Variants in NRXN1 observed in about 807,000 individuals in gnomAD.
NRXN1 encodes the protein neurexin 1, also known as neurexin-1.
Under a neutral mutation model 150.9 loss-of-function variants are expected in NRXN1, and 39 were observed. The ratio of observed to expected loss-of-function variants is 0.26; its 90% CI spans 0.20 to 0.34. The LOEUF (loss-of-function observed/expected upper bound fraction) is 0.34, where lower values mean the gene tolerates loss of function less well. NRXN1 is among the 10% of genes least tolerant of loss of function. NRXN1 has a pLI of 1.00. For missense variants in NRXN1, 1,815 were observed against 1,949.9 expected, an observed-to-expected ratio of 0.93 and a Z score of 1.30; for synonymous variants, 924 against 757.0, an observed-to-expected ratio of 1.22 and a Z score of -3.62.
intron 2 of NRXN1, among the ~76,000 whole-genome samples, chr2:50,964,302 A>G (rs1249868061): frequency 6.6e-6 from 1 of 151,518 alleles, no homozygotes; most frequent in Non-Finnish European, 1.5e-5. Flanking sequence ...CCGTTTTCAA[A>G]ATGAATTCCT....
chr2:50,042,868 C>A (rs1196669191), intron 21 of NRXN1, among the ~76,000 whole-genome samples: 1 of 152,048 alleles, frequency 6.6e-6, no homozygotes, highest in Non-Finnish European at 1.5e-5. Context: ...TTCAGGAAAT[C>A]ATAAAGTGAA....
At chr2:50,381,149 C>A (rs2080928263) in intron 17 of NRXN1, among the ~76,000 whole-genome samples, 1 of 151,600 alleles carries the variant, frequency 6.6e-6, no homozygotes. Context: ...ATGGATAAGC[C>A]CAAAGAGTTC....
chr2:50,807,077 G>C (rs1667604262), intron 5 of NRXN1, among the ~76,000 whole-genome samples: 1 of 152,106 alleles, frequency 6.6e-6, no homozygotes, highest in Non-Finnish European at 1.5e-5. Context: ...AGTGCCTCTA[G>C]AGTGTTATAG....
chr2:49,937,583 C>A (rs1671266625), intron 22 of NRXN1, among the ~76,000 whole-genome samples: 2 of 152,156 alleles, frequency 1.3e-5, no homozygotes, highest in African/African-American at 4.8e-5. Context: ...TGAAACCCAG[C>A]TAGCACATCA....
At chr2:50,889,657 C>T (rs1680766908) in intron 5 of NRXN1, among the ~76,000 whole-genome samples, 2 of 151,644 alleles carry the variant, frequency 1.3e-5, no homozygotes, top group South Asian at 4.2e-4. Context: ...GAGCTAAAAT[C>T]CTTCTTATTG....
At chr2:50,094,206 T>C (rs1485461542) in intron 18 of NRXN1, among the ~76,000 whole-genome samples, 1 of 152,224 alleles carries the variant, frequency 6.6e-6, no homozygotes, top group East Asian at 1.9e-4. Context: ...AAAAACACAT[T>C]ACTGTTTCCA....
chr2:50,282,249 A>G (rs2071559362), intron 17 of NRXN1, among the ~76,000 whole-genome samples: 1 of 152,164 alleles, frequency 6.6e-6, no homozygotes, highest in South Asian at 2.1e-4. Context: ...AGTGATGAGG[A>G]TCTACCAAAC....
chr2:50,991,415 G>A (rs888460337), intron 2 of NRXN1, among the ~76,000 whole-genome samples: 7 of 151,970 alleles, frequency 4.6e-5, no homozygotes, highest in African/African-American at 7.2e-5. Flanking sequence ...TGATGATGGA[G>A]AGCTGGTTTT....
intron 10 of NRXN1, among the ~76,000 whole-genome samples, chr2:50,533,429 G>A (rs965714388): frequency 2.6e-5 from 4 of 152,198 alleles, no homozygotes; most frequent in Non-Finnish European, 4.4e-5. Context: ...CTCCATCTCA[G>A]TAAACATGAT....
At chr2:50,286,995 T>C (rs1517829) in intron 17 of NRXN1, among the ~76,000 whole-genome samples, 79,572 of 151,842 alleles carry the variant, frequency 0.52, 21,129 homozygotes, top group Middle Eastern at 0.57. Context: ...TATTGATGAA[T>C]AGAACTTATA....
chr2:50,318,177 G>A (rs1479385855), intron 17 of NRXN1, among the ~76,000 whole-genome samples: 3 of 151,894 alleles, frequency 2.0e-5, no homozygotes, highest in Admixed American at 1.3e-4. Flanking sequence ...TTTCACAGAA[G>A]GGGAAACACA....
intron 8 of NRXN1, among the ~76,000 whole-genome samples, chr2:50,598,814 G>C (rs1675750063): frequency 6.6e-6 from 1 of 151,280 alleles, no homozygotes; most frequent in African/African-American, 2.4e-5. Flanking sequence ...CTGGAGTGCA[G>C]TGCTGTGATC....
chr2:50,027,443 C>T (rs1159138756), intron 21 of NRXN1, among the ~76,000 whole-genome samples: 1 of 141,848 alleles, frequency 7.0e-6, no homozygotes. Flanking sequence ...CTTTCCTTTG[C>T]TCCTTCTCTC....
At chr2:50,185,689 A>C (rs1199583782) in intron 18 of NRXN1, 1 of 152,060 alleles carries the variant, frequency 6.6e-6, no homozygotes, top group Non-Finnish European at 1.5e-5. Flanking sequence ...AGGAGTCTGC[A>C]TCCTTGAATC....
rs149417057 is a variant in NRXN1, at chr2:50,527,455, T to A, written c.2374+1170A>T. ...TCAGGAACTATTTTGTTCGAGATCTTTTTAAATGCCTGGGATATTGGTTAT... is the reference window on the plus strand; with the variant it reads ...TCAGGAACTATTTTGTTCGAGATCTATTTAAATGCCTGGGATATTGGTTAT... On this transcript the variant is annotated intron_variant, in intron 12 of 22. Coordinates refer to ENST00000401669, the MANE Select transcript of NRXN1 (RefSeq NM_001330078.2). Among the ~76,000 whole-genome samples the A allele has an allele frequency of 1.5e-3, 236 of 152,318 alleles. 1 individual carries two copies. Among genetic ancestry groups the A allele is most frequent in the African/African-American group, 5.4e-3 (224 of 41,584 alleles).
intron 17 of NRXN1, among the ~76,000 whole-genome samples, chr2:50,425,024 A>G (rs1225972317): frequency 6.6e-6 from 1 of 152,204 alleles, no homozygotes; most frequent in East Asian, 1.9e-4. Context: ...ACCTCAGAAT[A>G]AGAAAAATTG....
intron 2 of NRXN1, among the ~76,000 whole-genome samples, chr2:50,964,602 G>A (rs564796177): frequency 1.3e-5 from 2 of 151,462 alleles, no homozygotes; most frequent in South Asian, 2.1e-4. Context: ...GTAAAAGAAA[G>A]CACTACAAAT....
At chr2:50,771,055 A>G (rs1197310078) in intron 5 of NRXN1, among the ~76,000 whole-genome samples, 1 of 152,128 alleles carries the variant, frequency 6.6e-6, no homozygotes, top group East Asian at 1.9e-4. Flanking sequence ...GAACCAGGCC[A>G]TAGTATCATC....
chr2:50,677,446 T>G (rs1203802124), intron 5 of NRXN1, among the ~76,000 whole-genome samples: 1 of 152,136 alleles, frequency 6.6e-6, no homozygotes. Flanking sequence ...CTACTGTATT[T>G]CAATCTCTTT....
Sources: allele counts gnomAD v4.1 joint callset (sites outside exome capture counted in the v4.1 genomes callset), GRCh38; gene constraint gnomAD v4.1.1; transcripts MANE v1.5; gene names NCBI Gene and HGNC (gene_info 2026-07-23, HGNC 2026-07-21).